The following DISC1 variants were observed in gnomAD, a reference collection of about 807,000 sequenced individuals.
DISC1 encodes the protein disrupted in schizophrenia 1 protein.
Under a neutral mutation model 84.5 loss-of-function variants are expected in DISC1, and 57 were observed. The observed-to-expected ratio is 0.67, with a 90% CI of 0.55 to 0.84. The LOEUF (loss-of-function observed/expected upper bound fraction) is 0.84, where lower values mean the gene tolerates loss of function less well. Ranked by LOEUF, DISC1 falls within the 40% of genes least tolerant of loss-of-function variation. The pLI, the probability that DISC1 is intolerant of heterozygous loss-of-function variation, is 0.00. For synonymous variants in DISC1, 411 were observed against 415.2 expected (o/e 0.99, Z 0.12); for missense variants, 1,000 against 1,057.8 (o/e 0.95, Z 0.76).
chr1:231,931,123 T>C (rs928101), intron 9 of DISC1, among the ~76,000 whole-genome samples: 43,428 of 152,036 alleles, frequency 0.29, 7,135 homozygotes, highest in East Asian at 0.73. Context: ...TGTTTAGTCC[T>C]GGAAGGACCT....
At chr1:232,005,042 A>ACT (rs1667236024) in intron 10 of DISC1, among the ~76,000 whole-genome samples, 1 of 51,380 alleles carries the variant, frequency 1.9e-5, no homozygotes, top group African/African-American at 8.0e-5. Flanking sequence ...CCCTCCCTCC[A>ACT]TCCTTCCTTC....
chr1:231,800,313 C>T, intron 8 of DISC1, 103 bp downstream of exon 8: 1 of 922,368 alleles, frequency 1.1e-6, no homozygotes, highest in Non-Finnish European at 1.7e-6. Context: ...GTTATTATGT[C>T]ATTCTCAGAC....
At position 231,802,388 on chromosome 1, in the gene DISC1, C is replaced by A. The variant is rs533453363; in HGVS notation, c.1792+2178C>A. 3.9e-5 allele frequency among the ~76,000 whole-genome samples: 6 copies of A among 152,224 alleles called. 1 individual carries two copies. The East Asian group carries it at 1.2e-3, about 29-fold the overall frequency. On this transcript the variant is annotated intron_variant, in intron 8 of 12. Transcript: ENST00000439617. ...CCTTGTGAAGAAGGTGCCTTGCTTT[C>A]CCCTTGCCTTCCGCCATGATTGTAA...
intron 11 of DISC1, among the ~76,000 whole-genome samples, chr1:232,014,000 AAAGTACTCAGGC>A (rs1020172265): frequency 1.6e-5 from 2 of 124,718 alleles, no homozygotes; most frequent in African/African-American, 6.5e-5. Flanking sequence ...CCTTTGGTTC[AAAGTACTCAGGC>A]ATACCAAAGT....
intron 10 of DISC1, among the ~76,000 whole-genome samples, chr1:231,966,195 G>C (rs930656350): frequency 4.0e-5 from 6 of 150,208 alleles, no homozygotes. Context: ...GGCAACCTGA[G>C]AAGATACAGT....
At chr1:231,955,998 C>T (rs1659432197) in intron 9 of DISC1, among the ~76,000 whole-genome samples, 1 of 152,210 alleles carries the variant, frequency 6.6e-6, no homozygotes, top group Admixed American at 6.5e-5. Context: ...CTCTGACCAT[C>T]TGCTGTCTTT....
At chr1:231,955,101 T>C (rs1659197361) in intron 9 of DISC1, among the ~76,000 whole-genome samples, 1 of 152,230 alleles carries the variant, frequency 6.6e-6, no homozygotes, top group African/African-American at 2.4e-5. Context: ...AACATAAGAA[T>C]ATGGCTTTCT....
chr1:231,946,783 A>G (rs962497786), intron 9 of DISC1, among the ~76,000 whole-genome samples: 1 of 152,164 alleles, frequency 6.6e-6, no homozygotes. Flanking sequence ...TCAATGTGCA[A>G]AAATCACAAG....
In DISC1 at chr1:231,702,025, G is replaced by A. The variant is rs2066487913; in HGVS notation, c.1117+1G>A. The A allele has an allele frequency of 1.9e-6, 3 of 1,602,630 alleles. No individual in the cohort carries two copies. The highest frequency in any genetic ancestry group is 1.3e-5 in the African/African-American group (1 of 74,382). On this transcript the variant is annotated splice_donor_variant, in intron 3 of 12. Transcript: ENST00000439617. LOFTEE classifies it high-confidence loss of function. The stretch of plus-strand genomic sequence containing the variant: ...GTTGAGAATGATGATTATGATAAAG[G>A]TGAGTTTTAATTTGTTTATTGATTG...
chr1:232,021,361 C>A (rs1264401171), intron 11 of DISC1, among the ~76,000 whole-genome samples: 1 of 147,848 alleles, frequency 6.8e-6, no homozygotes, highest in Non-Finnish European at 1.5e-5. Context: ...CACACACACA[C>A]ACACACACAC....
At chr1:231,695,480 G>T (rs200675355) in intron 2 of DISC1, among the ~76,000 whole-genome samples, 1 of 152,168 alleles carries the variant, frequency 6.6e-6, no homozygotes, top group Non-Finnish European at 1.5e-5. Flanking sequence ...AGTAGGTAGG[G>T]TTCCTCTACC....
intron 8 of DISC1, among the ~76,000 whole-genome samples, chr1:231,803,414 G>A (rs952011153): frequency 1.3e-5 from 2 of 152,138 alleles, no homozygotes; most frequent in African/African-American, 4.8e-5. Flanking sequence ...CAGGAGTCCA[G>A]AGTGACTTAG....
At chr1:232,025,675 C>T in intron 11 of DISC1, among the ~76,000 whole-genome samples, 1 of 150,328 alleles carries the variant, frequency 6.7e-6, no homozygotes. Context: ...CGGCTCACTG[C>T]AAGCTCCGCC....
chr1:231,971,295 G>T lies in DISC1; in HGVS notation c.2042+12407G>T, dbSNP rs142081910. 3.4e-3 allele frequency among the ~76,000 whole-genome samples: 512 copies of T among 152,260 alleles called. 3 individuals carry two copies. The highest frequency in any genetic ancestry group is 0.011 in the African/African-American group (456 of 41,550). The stretch of plus-strand genomic sequence containing the variant: ...AGACTTTTTAATGATTCGAGGAAGC[G>T]TCGTCAAGATTGTATGATAGTTTAA... On this transcript the variant is annotated intron_variant, in intron 10 of 12. Coordinates refer to ENST00000439617, the MANE Select transcript of DISC1 (RefSeq NM_018662.3).
chr1:231,697,606 ATTT>A (rs113034860), intron 2 of DISC1, among the ~76,000 whole-genome samples: 2 of 127,948 alleles, frequency 1.6e-5, no homozygotes, highest in African/African-American at 2.9e-5. Context: ...TGCCTGGCTA[ATTT>A]TTTTTTTTTT....
intron 9 of DISC1, among the ~76,000 whole-genome samples, chr1:231,939,666 TC>T (rs987642585): frequency 3.3e-5 from 5 of 152,120 alleles, no homozygotes; most frequent in Non-Finnish European, 7.4e-5. Flanking sequence ...TGTCCCATCC[TC>T]CCTCTTCTTC....
chr1:231,958,983 G>A (rs2794273), intron 10 of DISC1, 95 bp downstream of exon 10: 447,516 of 1,482,958 alleles, frequency 0.3, 72,419 homozygotes, highest in African/African-American at 0.63. Context: ...AGGCTGGCCA[G>A]TTTCTCTAAT....
intron 1 of DISC1, among the ~76,000 whole-genome samples, chr1:231,634,568 CAGT>C (rs1489543038): frequency 6.6e-6 from 1 of 152,192 alleles, no homozygotes; most frequent in African/African-American, 2.4e-5. Flanking sequence ...TCAATTTAAA[CAGT>C]AGATTTGGGG....
intron 3 of DISC1, chr1:231,702,334 T>C: frequency 9.4e-7 from 1 of 1,060,080 alleles, no homozygotes; most frequent in Non-Finnish European, 1.1e-6. Context: ...TATAATCCAC[T>C]TGTTCATAAA....
Sources: allele counts gnomAD v4.1 joint callset (sites outside exome capture counted in the v4.1 genomes callset), GRCh38; gene constraint gnomAD v4.1.1; transcripts MANE v1.5; gene names NCBI Gene and HGNC (gene_info 2026-07-23, HGNC 2026-07-21).